UBXN11: variants seen among roughly 807,000 people sequenced by gnomAD.
UBXN11 encodes UBX domain protein 11, also known as UBX domain-containing protein 11.
UBXN11 carries 47 observed loss-of-function variants against 62.8 expected under a neutral mutation model. The ratio of observed to expected loss-of-function variants is 0.75; its 90% CI spans 0.59 to 0.95. UBXN11 has a LOEUF of 0.95. Among genes scored for constraint, UBXN11 ranks in the 40% least tolerant of loss-of-function variants. The pLI is 0.00. For missense variants in UBXN11, 638 were observed against 661.7 expected (o/e 0.96, Z 0.39); for synonymous variants, 294 against 267.0 (o/e 1.10, Z -0.99).
intron 6 of UBXN11, among the ~76,000 whole-genome samples, 156 bp downstream of exon 6, chr1:26,297,271 T>C (rs898674266): frequency 6.6e-6 from 1 of 152,174 alleles, no homozygotes; most frequent in Non-Finnish European, 1.5e-5. Context: ...GTCCTGGATA[T>C]GCTGCAGCCC....
At chr1:26,288,206 C>T (rs1402269208) in intron 8 of UBXN11, among the ~76,000 whole-genome samples, 2 of 152,046 alleles carry the variant, frequency 1.3e-5, no homozygotes, top group African/African-American at 4.8e-5. Flanking sequence ...AGGAAGAGCA[C>T]CAAATACACC....
At chr1:26,287,316 G>A (rs2073155886) in intron 8 of UBXN11, among the ~76,000 whole-genome samples, 1 of 152,154 alleles carries the variant, frequency 6.6e-6, no homozygotes, top group South Asian at 2.1e-4. Flanking sequence ...TGAAACACGT[G>A]TGGCGCATAC....
At chr1:26,302,703 G>GC (rs1429525557) in intron 2 of UBXN11, 110 bp downstream of exon 2, 5 of 1,185,120 alleles carry the variant, frequency 4.2e-6, no homozygotes, top group Non-Finnish European at 5.9e-6. Flanking sequence ...AGGCTATGTG[G>GC]CCCTTCTTTG....
rs555904096 is a variant in UBXN11 at position 26,296,901 on chromosome 1, G to A, written c.432+18C>T. 191 of 1,596,538 alleles carry A rather than the reference G, an allele frequency of 1.2e-4. No individual in the cohort carries two copies. In the South Asian group the frequency reaches 1.7e-3, roughly 14 times the overall value. On this transcript the variant is annotated intron_variant, in intron 7 of 14. Transcript: ENST00000374222. ...GGACTGCTGGCTGCCCGCATCCCCC[G>A]GGGCCCAGCTCTCTCACCTCCATCT...
intron 1 of UBXN11, among the ~76,000 whole-genome samples, chr1:26,317,673 G>A (rs1182745095): frequency 1.3e-5 from 2 of 152,140 alleles, no homozygotes; most frequent in African/African-American, 4.8e-5. Context: ...CTCAGAGCTG[G>A]TCAGTGATTA....
chr1:26,300,232 G>A (rs943469392), intron 4 of UBXN11, among the ~76,000 whole-genome samples: 1 of 152,156 alleles, frequency 6.6e-6, no homozygotes, highest in African/African-American at 2.4e-5. Context: ...CGCTGGCCAG[G>A]GGCCCTCCAC....
chr1:26,298,780 G>GAAAAA (rs11368453), intron 4 of UBXN11, among the ~76,000 whole-genome samples: 1 of 61,678 alleles, frequency 1.6e-5, no homozygotes, highest in Non-Finnish European at 3.4e-5. Context: ...CTCTGTCTCA[G>GAAAAA]AAAAAAAAAA....
At chr1:26,304,569 G>A (rs374233958) in intron 1 of UBXN11, among the ~76,000 whole-genome samples, 4 of 152,132 alleles carry the variant, frequency 2.6e-5, no homozygotes, top group East Asian at 3.9e-4. Context: ...CCTGACCAAC[G>A]TGGCAAAACC....
At chr1:26,317,866 TC>T in intron 1 of UBXN11, 1 of 661,504 alleles carries the variant, frequency 1.5e-6, no homozygotes, top group Non-Finnish European at 2.7e-6. Flanking sequence ...GCCACACCCC[TC>T]CTCCACCTTG....
chr1:26,292,132 C>T (rs1014807001), intron 8 of UBXN11, among the ~76,000 whole-genome samples: 1 of 152,206 alleles, frequency 6.6e-6, no homozygotes. Flanking sequence ...TTAAGTCTTG[C>T]CCCTCTTCCC....
Position 26,284,491 on chromosome 1 carries a change from A to G in UBXN11, c.853-9T>C, listed in dbSNP as rs763799763. ...TTGCGCAAGTCACTCACCTGGCAAG[A>G]AAGAAGGGCAACGACGGCAGCGGAC... is the stretch of plus-strand genomic sequence containing the variant. On this transcript the variant is annotated splice_polypyrimidine_tract_variant and intron_variant, in intron 10 of 14. Coordinates refer to ENST00000374222, the MANE Select transcript of UBXN11 (RefSeq NM_001389556.1). The G allele has an allele frequency of 3.8e-6, 6 of 1,585,306 alleles. No homozygotes were observed. The African/African-American group carries it at 8.1e-5, about 21-fold the overall frequency.
chr1:26,316,412 G>C (rs1175880224), intron 1 of UBXN11, among the ~76,000 whole-genome samples: 3 of 151,940 alleles, frequency 2.0e-5, no homozygotes, highest in African/African-American at 7.3e-5. Context: ...AAGGAAGGGA[G>C]AGTGTGAAGG....
chr1:26,285,294 T>C, intron 10 of UBXN11, 170 bp downstream of exon 10: 4 of 1,431,888 alleles, frequency 2.8e-6, no homozygotes, highest in Non-Finnish European at 3.7e-6. Flanking sequence ...TTCGGGCCTC[T>C]CCGCTCCCTT....
chr1:26,285,929 C>T lies in UBXN11; in HGVS notation c.668G>A (p.Gly223Asp), dbSNP rs931779104. Reference protein sequence around the residue: ...EGDTQVTPVPGGARLRTLEPI... With the variant: ...EGDTQVTPVPDGARLRTLEPI... ...CTCGAGGGTACGCAGCCGTGCCCCGCCGGGCACTGGTGTCACTTGGGTGTC... is the reference window on the plus strand; with the variant it reads ...CTCGAGGGTACGCAGCCGTGCCCCGTCGGGCACTGGTGTCACTTGGGTGTC... Residue 223 changes from glycine to aspartate, a missense_variant, in exon 9 of 15, where the codon GGC (glycine) becomes GAC (aspartate). Physicochemically the swap from Gly to Asp is moderately conservative, Grantham distance 94 (BLOSUM62 -1). Coordinates refer to ENST00000374222, the MANE Select transcript of UBXN11 (RefSeq NM_001389556.1). 6.2e-7 allele frequency: 1 copy of T among 1,613,678 alleles called. No individual in the cohort carries two copies. Among genetic ancestry groups the T allele is most frequent in the East Asian group, 2.2e-5 (1 of 44,856 alleles).
In UBXN11 at chr1:26,282,757, G is replaced by A. The variant is rs76807981; in HGVS notation, c.1184C>T (p.Pro395Leu). 20 of 1,614,020 alleles carry A rather than the reference G, an allele frequency of 1.2e-5. No individual in the cohort carries two copies. Among genetic ancestry groups the A allele is most frequent in the Admixed American group, 3.3e-5 (2 of 60,016 alleles). ...AGACTTGATGCGCAGCATGGAGAGC[G>A]GGGGTGCCGGCGTGTTGGGTGACTC... ...SQESPNTPAPPLSMLRIKSEN... is the reference protein window; with the variant it reads ...SQESPNTPAPLLSMLRIKSEN... Residue 395 changes from proline to leucine, a missense_variant, in exon 14 of 15, where the codon CCG becomes CTG. Pro to Leu is a moderately conservative substitution (Grantham distance 98). Transcript: ENST00000374222.
chr1:26,317,948 A>C (rs2073815575), intron 1 of UBXN11: 1 of 1,406,700 alleles, frequency 7.1e-7, no homozygotes, highest in African/African-American at 1.4e-5. Flanking sequence ...CTAAACCAAA[A>C]GAAGCCTCCA....
At chr1:26,313,428 T>G (rs1001021689) in intron 1 of UBXN11, among the ~76,000 whole-genome samples, 2 of 152,190 alleles carry the variant, frequency 1.3e-5, no homozygotes, top group African/African-American at 4.8e-5. Flanking sequence ...ATTTCACTTC[T>G]TCTTCTTCTC....
intron 1 of UBXN11, among the ~76,000 whole-genome samples, chr1:26,313,710 G>A (rs1161347702): frequency 2.6e-4 from 40 of 151,578 alleles, no homozygotes; most frequent in Admixed American, 2.6e-3. Context: ...CCTATCCACT[G>A]AGTTCCTAAT....
At chr1:26,311,559 C>T (rs1279942933), upstream of UBXN11, among the ~76,000 whole-genome samples, 1 of 152,092 alleles carries the variant, frequency 6.6e-6, no homozygotes, top group Non-Finnish European at 1.5e-5. Context: ...TCTTCTGCCT[C>T]AGCCTCCCGA....
Sources: gnomAD v4.1 joint callset for allele counts (sites outside exome capture counted in the v4.1 genomes callset) on GRCh38, gnomAD v4.1.1 for gene constraint, MANE v1.5 for transcripts, NCBI Gene and HGNC (gene_info 2026-07-23, HGNC 2026-07-21) for gene names.